Variants in PI4K2B observed in about 807,000 individuals in gnomAD.
PI4K2B encodes the protein phosphatidylinositol 4-kinase type 2-beta.
PI4K2B carries 46 observed loss-of-function variants against 56.6 expected under a neutral mutation model. The ratio of observed to expected loss-of-function variants is 0.81; its 90% confidence interval spans 0.64 to 1.04. The LOEUF (loss-of-function observed/expected upper bound fraction) is 1.04, where lower values mean the gene tolerates loss of function less well. PI4K2B is among the 50% of genes least tolerant of loss of function. The pLI is 0.00. For synonymous variants in PI4K2B, 211 were observed against 223.8 expected (o/e 0.94, Z 0.51); for missense variants, 556 against 607.7 (o/e 0.91, Z 0.89).
At chr4:25,269,034 T>C (rs1716766677) in intron 8 of PI4K2B, 110 bp from the exon 9 acceptor site, 1 of 575,326 alleles carries the variant, frequency 1.7e-6, no homozygotes, top group Non-Finnish European at 3.1e-6. Flanking sequence ...TTTTATCAAT[T>C]AGGAAAGCTT....
At chr4:25,264,836 A>G (rs1326643343) in intron 7 of PI4K2B, among the ~76,000 whole-genome samples, 1 of 152,062 alleles carries the variant, frequency 6.6e-6, no homozygotes, top group Non-Finnish European at 1.5e-5. Flanking sequence ...GCACCACTGT[A>G]CTCCAGCCTG....
At chr4:25,244,197 T>TC (rs1715662253) in intron 1 of PI4K2B, among the ~76,000 whole-genome samples, 1 of 152,066 alleles carries the variant, frequency 6.6e-6, no homozygotes, top group Non-Finnish European at 1.5e-5. Flanking sequence ...CAAATTCCCC[T>TC]CCCCCTACAG....
chr4:25,235,246 C>T (rs149509090), intron 1 of PI4K2B, among the ~76,000 whole-genome samples: 2 of 152,222 alleles, frequency 1.3e-5, no homozygotes, highest in East Asian at 3.9e-4. Context: ...TGTAAAAAGG[C>T]GATGGTACAC....
chr4:25,234,257 C>T lies in PI4K2B; in HGVS notation c.94C>T (p.Arg32Trp), dbSNP rs2109077435. The T allele has an allele frequency of 2.1e-6, 3 of 1,426,544 alleles. No homozygotes were observed. The highest frequency in any genetic ancestry group is 1.5e-5 in the African/African-American group (1 of 67,758). 88.4% of individuals were successfully genotyped at this position (1,426,544 alleles called of 1,614,324 possible). The change falls in exon 1 of 10, where the codon CGG becomes TGG. Residue 32 changes from arginine to tryptophan, a missense_variant. Transcript: ENST00000264864. ...TGGGGAGCGGGAGCCGCTGCTACCG[C>T]GGATCGCCTGGGCCCACCCGCGGAG... Reference protein sequence around the residue: ...EDGEREPLLPRIAWAHPRRGA... With the variant: ...EDGEREPLLPWIAWAHPRRGA...
intron 1 of PI4K2B, among the ~76,000 whole-genome samples, chr4:25,237,792 T>C (rs1037884990): frequency 3.3e-5 from 5 of 152,174 alleles, no homozygotes; most frequent in African/African-American, 1.2e-4. Context: ...GCAGGAGGAT[T>C]GCTTGAGTCC....
At position 25,245,707 on chromosome 4, in the gene PI4K2B, C is replaced by A. The variant is rs560450546; in HGVS notation, c.269-6614C>A. Among the ~76,000 whole-genome samples the A allele has an allele frequency of 5.5e-4, 84 of 152,228 alleles. 1 individual carries two copies. Among genetic ancestry groups the A allele is most frequent in the African/African-American group, 2.0e-3 (84 of 41,528 alleles). ...TCTAAGGAAAAATAGGACAGAATAG[C>A]AAGTGAAAGGGGTCCGATGGCACTC... is the stretch of plus-strand genomic sequence containing the variant. On this transcript the variant is annotated intron_variant, in intron 1 of 9. Transcript: ENST00000264864.
chr4:25,244,092 T>A (rs1471758358), intron 1 of PI4K2B, among the ~76,000 whole-genome samples: 3 of 152,184 alleles, frequency 2.0e-5, no homozygotes, highest in African/African-American at 7.2e-5. Context: ...TTAGGACATC[T>A]ATGTACCTAT....
chr4:25,239,793 C>T (rs2109083820), intron 1 of PI4K2B, among the ~76,000 whole-genome samples: 1 of 152,376 alleles, frequency 6.6e-6, no homozygotes, highest in Non-Finnish European at 1.5e-5. Flanking sequence ...ACTGTCACCT[C>T]TCAATCCCCC....
intron 7 of PI4K2B, among the ~76,000 whole-genome samples, chr4:25,266,316 G>A (rs531952807): frequency 2.6e-5 from 4 of 152,252 alleles, no homozygotes; most frequent in Admixed American, 1.3e-4. Flanking sequence ...ACAGGCACAC[G>A]CCATCACACT....
chr4:25,237,287 G>A (rs10031076), intron 1 of PI4K2B, among the ~76,000 whole-genome samples: 11,229 of 151,980 alleles, frequency 0.074, 474 homozygotes, highest in East Asian at 0.12. Context: ...GCATAGTTCT[G>A]TATGCTTCAT....
rs184052292 is a variant in PI4K2B at position 25,269,415 on chromosome 4, T to C, written c.1272+212T>C. Among the ~76,000 whole-genome samples, 1,286 of 152,194 alleles carry C rather than the reference T, an allele frequency of 8.4e-3. 9 individuals carry two copies. The highest frequency in any genetic ancestry group is 0.028 in the African/African-American group (1,180 of 41,542). ...GCTTTGGGAGGCCAAGGCGGGTGAA[T>C]CACCTGAGGTCAGGAGTTCGAGACC... On this transcript the variant is annotated intron_variant, in intron 9 of 9. Transcript: ENST00000264864.
In PI4K2B at chr4:25,277,930, C is replaced by T. The variant is rs553018174; in HGVS notation, c.*743C>T. The T allele has an allele frequency of 4.6e-5, 7 of 152,178 alleles. No homozygotes were observed. The East Asian group carries it at 7.7e-4, about 17-fold the overall frequency. 9.4% of individuals were successfully genotyped at this position (152,178 alleles called of 1,614,324 possible). A position where few individuals can be genotyped will look rare whatever the true frequency, so the allele number is the denominator to read the frequency against. On this transcript the variant is annotated 3_prime_UTR_variant, in exon 10 of 10. Coordinates refer to ENST00000264864, the MANE Select transcript of PI4K2B (RefSeq NM_018323.4). ...GAATACCAAAATTGCCTTAAAAATT[C>T]CCTTCTGTTTCTTACATGGGATCAA...
chr4:25,275,295 G>C (rs1249423369), intron 9 of PI4K2B, among the ~76,000 whole-genome samples: 1 of 152,118 alleles, frequency 6.6e-6, no homozygotes, highest in African/African-American at 2.4e-5. Flanking sequence ...ATTCATGGTA[G>C]GAACAATGCT....
chr4:25,234,420 C>T lies in PI4K2B; in HGVS notation c.257C>T (p.Pro86Leu), dbSNP rs1577670456. 7.4e-7 allele frequency: 1 copy of T among 1,352,634 alleles called. No homozygotes were observed. Among genetic ancestry groups the T allele is most frequent in the East Asian group, 3.1e-5 (1 of 32,136 alleles). The allele number at this position is 1,352,634 out of a possible 1,614,324, so 83.8% of individuals were successfully genotyped here. A position where few individuals can be genotyped will look rare whatever the true frequency, so the allele number is the denominator to read the frequency against. Residue 86 changes from proline to leucine, a missense_variant, in exon 1 of 10, where the codon CCC (proline) becomes CTC (leucine). Transcript: ENST00000264864. Reference protein sequence around the residue: ...SSSAELDRSRPAVSVTIGTSE... With the variant: ...SSSAELDRSRLAVSVTIGTSE... ...TCCGCCGAGCTGGACCGGAGCCGCC[C>T]CGCGGTTTCAGGTGCGACCCGGCCC... is the stretch of plus-strand genomic sequence containing the variant.
chr4:25,255,196 G>A lies in PI4K2B; in HGVS notation c.555G>A (p.Gly185=). 1 of 1,614,034 alleles carries A rather than the reference G, an allele frequency of 6.2e-7. No individual in the cohort carries two copies. The highest frequency in any genetic ancestry group is 1.7e-5 in the Admixed American group (1 of 60,030). The change falls in exon 3 of 10, where the codon GGG becomes GGA. Residue 185 remains glycine, a synonymous_variant. Transcript: ENST00000264864. The part of the protein sequence containing the change: ...FGRGCLIPNQ[G]YLSEAGAYLV... ...GAGGCTGCCTGATTCCTAATCAGGGGTACCTTTCCGAAGCGGGTGCCTATC... is the reference window on the plus strand; with the variant it reads ...GAGGCTGCCTGATTCCTAATCAGGGATACCTTTCCGAAGCGGGTGCCTATC...
chr4:25,253,415 T>A (rs866111859), intron 2 of PI4K2B, among the ~76,000 whole-genome samples: 8 of 152,250 alleles, frequency 5.3e-5, no homozygotes, highest in Non-Finnish European at 5.9e-5. Context: ...ATAACGTTTA[T>A]AATTTCACCC....
In PI4K2B at chr4:25,277,571, CT is replaced by C; in HGVS notation, c.*385del. ...CATTACAAAAGGCCTTTGAGGATGC[CT>C]ACGTCTGAAATTGCTCTTACGAACT... On this transcript the variant is annotated 3_prime_UTR_variant, in exon 10 of 10. Coordinates refer to ENST00000264864, the MANE Select transcript of PI4K2B (RefSeq NM_018323.4). 6.5e-6 allele frequency: 1 copy of C among 154,820 alleles called. No homozygotes were observed. The highest frequency in any genetic ancestry group is 1.4e-5 in the Non-Finnish European group (1 of 69,712). The allele number at this position is 154,820 out of a possible 1,614,324, so 9.6% of individuals were successfully genotyped here. A position where few individuals can be genotyped will look rare whatever the true frequency, so the allele number is the denominator to read the frequency against.
chr4:25,254,550 A>G (rs1037956873), intron 2 of PI4K2B: 1 of 152,200 alleles, frequency 6.6e-6, no homozygotes, highest in African/African-American at 2.4e-5. Flanking sequence ...AGTAGCTGAG[A>G]CTACAGGTGC....
At chr4:25,263,280 A>G (rs1716545299) in intron 6 of PI4K2B, among the ~76,000 whole-genome samples, 1 of 152,166 alleles carries the variant, frequency 6.6e-6, no homozygotes, top group African/African-American at 2.4e-5. Flanking sequence ...TAGATCTTAT[A>G]TTTAATTATG....
Sources: gnomAD v4.1 joint callset for allele counts (sites outside exome capture counted in the v4.1 genomes callset) on GRCh38, gnomAD v4.1.1 for gene constraint, MANE v1.5 for transcripts, NCBI Gene and HGNC (gene_info 2026-07-23, HGNC 2026-07-21) for gene names.